The following NPSR1 variants were observed in gnomAD, a reference collection of about 807,000 sequenced individuals.
NPSR1 encodes neuropeptide S receptor 1.
NPSR1 carries 48 observed loss-of-function variants against 46.9 expected under a neutral mutation model. The ratio of observed to expected loss-of-function variants is 1.02; its 90% CI spans 0.81 to 1.30. The LOEUF is 1.30. Among genes scored for constraint, NPSR1 ranks in the 50% most tolerant of loss-of-function variants. The pLI, the probability that NPSR1 is intolerant of heterozygous loss-of-function variation, is 0.00. For missense variants in NPSR1, 450 were observed against 449.5 expected (o/e 1.00, Z -0.01); for synonymous variants, 176 against 168.1 (o/e 1.05, Z -0.36).
intron 2 of NPSR1, among the ~76,000 whole-genome samples, chr7:34,748,609 T>A (rs1460523262): frequency 2.0e-5 from 3 of 152,178 alleles, no homozygotes; most frequent in African/African-American, 4.8e-5. Flanking sequence ...AGGTTTGATG[T>A]CCCTATTAAA....
chr7:34,858,411 A>G (rs1584149794), intron 8 of NPSR1, among the ~76,000 whole-genome samples: 1 of 151,886 alleles, frequency 6.6e-6, no homozygotes, highest in Non-Finnish European at 1.5e-5. Flanking sequence ...CTTTAAAAAC[A>G]TAATATAAAG....
intron 1 of NPSR1, among the ~76,000 whole-genome samples, chr7:34,659,574 G>A (rs957323517): frequency 2.6e-5 from 4 of 152,128 alleles, no homozygotes; most frequent in African/African-American, 7.2e-5. Flanking sequence ...TTTCAGCAGG[G>A]TGCTGTCCCA....
intron 2 of NPSR1, among the ~76,000 whole-genome samples, chr7:34,698,833 C>T (rs1254122342): frequency 6.6e-6 from 1 of 152,060 alleles, no homozygotes. Context: ...TTTTCTTCTC[C>T]TAATGTGTTT....
intron 2 of NPSR1, among the ~76,000 whole-genome samples, chr7:34,705,467 G>T (rs1166443961): frequency 1.3e-5 from 2 of 149,494 alleles, no homozygotes; most frequent in East Asian, 2.0e-4. Context: ...GAAAAGAAAA[G>T]CCTTTCACAC....
chr7:34,700,462 G>A (rs1429984592), intron 2 of NPSR1, among the ~76,000 whole-genome samples: 1 of 152,146 alleles, frequency 6.6e-6, no homozygotes, highest in Non-Finnish European at 1.5e-5. Context: ...AGGGATTTAA[G>A]CCTGAAGTTT....
rs533046742 is a variant in NPSR1, at chr7:34,791,558, C to T, written c.384+12993C>T. 6.6e-5 allele frequency among the ~76,000 whole-genome samples: 10 copies of T among 151,562 alleles called. No homozygotes were observed. The South Asian group carries it at 1.9e-3, about 28-fold the overall frequency. Reference sequence around the variant, plus strand: ...TAATATATTGATGAAAGAAATTAAACTAGGCAAAAATTGGAAAGGCATCCT... The same window carrying T: ...TAATATATTGATGAAAGAAATTAAATTAGGCAAAAATTGGAAAGGCATCCT... On this transcript the variant is annotated intron_variant, in intron 3 of 8. Transcript: ENST00000360581.
At chr7:34,704,581 A>G (rs928136227) in intron 2 of NPSR1, among the ~76,000 whole-genome samples, 36 of 152,206 alleles carry the variant, frequency 2.4e-4, no homozygotes, top group African/African-American at 8.0e-4. Flanking sequence ...TTGCTGTGGA[A>G]TTAAACAAAG....
At chr7:34,827,365 C>A (rs1789904935) in intron 4 of NPSR1, 36 bp from the exon 5 acceptor site, 6 of 1,598,446 alleles carry the variant, frequency 3.8e-6, no homozygotes, top group Non-Finnish European at 5.1e-6. Flanking sequence ...AAATGGTTGC[C>A]ACATACCCAG....
Position 34,834,409 on chromosome 7 carries a change from A to G in NPSR1, c.706A>G (p.Thr236Ala). The change falls in exon 6 of 9, where the codon ACT (threonine) becomes GCT (alanine). Residue 236 changes from threonine to alanine, a missense_variant. Physicochemically the swap from Thr to Ala is moderately conservative, Grantham distance 58. Coordinates refer to ENST00000360581, the MANE Select transcript of NPSR1 (RefSeq NM_207172.2). Reference protein sequence around the residue: ...ISIMYGIVIRTIWIKSKTYET... With the variant: ...ISIMYGIVIRAIWIKSKTYET... ...CATCATGTATGGCATTGTGATCCGA[A>G]CTATTTGGATTAAAAGCAAAACCTA... 1.2e-6 allele frequency: 2 copies of G among 1,613,744 alleles called. No individual in the cohort carries two copies. Among genetic ancestry groups the G allele is most frequent in the Non-Finnish European group, 1.7e-6 (2 of 1,179,632 alleles).
intron 3 of NPSR1, among the ~76,000 whole-genome samples, chr7:34,785,843 C>G (rs748657521): frequency 6.6e-6 from 1 of 151,946 alleles, no homozygotes; most frequent in Non-Finnish European, 1.5e-5. Flanking sequence ...GATAATATGT[C>G]TAAAAAGTAT....
At chr7:34,852,068 T>A (rs1403921714), downstream of NPSR1, among the ~76,000 whole-genome samples, 1 of 151,938 alleles carries the variant, frequency 6.6e-6, no homozygotes, top group East Asian at 1.9e-4. Context: ...GAGGCTGAGG[T>A]GGGCGGATCG....
At chr7:34,822,522 A>G (rs1008772855) in intron 4 of NPSR1, among the ~76,000 whole-genome samples, 2 of 152,262 alleles carry the variant, frequency 1.3e-5, no homozygotes, top group African/African-American at 4.8e-5. Context: ...AATGAATATG[A>G]GAATAATTAG....
intron 2 of NPSR1, among the ~76,000 whole-genome samples, chr7:34,725,980 A>G (rs1171268622): frequency 6.6e-6 from 1 of 152,182 alleles, no homozygotes; most frequent in African/African-American, 2.4e-5. Flanking sequence ...GTAAGATATG[A>G]CTTTGCTCCT....
chr7:34,838,724 A>C (rs1790465231), intron 6 of NPSR1, among the ~76,000 whole-genome samples: 1 of 152,234 alleles, frequency 6.6e-6, no homozygotes, highest in South Asian at 2.1e-4. Context: ...AAGAAAAAGA[A>C]CTGTATCATA....
intron 2 of NPSR1, among the ~76,000 whole-genome samples, chr7:34,733,371 A>T (rs1469959091): frequency 6.6e-6 from 1 of 151,424 alleles, no homozygotes; most frequent in East Asian, 1.9e-4. Context: ...GTGAGCCACG[A>T]TCACGCCACT....
chr7:34,702,251 T>TC (rs1464013371), intron 2 of NPSR1, among the ~76,000 whole-genome samples: 1 of 152,220 alleles, frequency 6.6e-6, no homozygotes, highest in Non-Finnish European at 1.5e-5. Context: ...CAGCTCTTTG[T>TC]CCTCCTCTTA....
At position 34,872,847 on chromosome 7, in the gene NPSR1, G is replaced by A. The variant is rs141801903; in HGVS notation, c.1026-5229G>A. ...TGGGAATTCAAGATGAGATTTGGGT[G>A]AGGACACAGCCTAACCATATCAGCT... On this transcript the variant is annotated intron_variant, in intron 8 of 8. Coordinates refer to the NPSR1 transcript ENST00000359791. Among the ~76,000 whole-genome samples, 1,469 of 151,998 alleles carry A rather than the reference G, an allele frequency of 9.7e-3. 98 individuals carry two copies. The East Asian group carries it at 0.19, about 20-fold the overall frequency.
At chr7:34,851,402 G>A (rs922892767), downstream of NPSR1, among the ~76,000 whole-genome samples, 6 of 150,898 alleles carry the variant, frequency 4.0e-5, no homozygotes, top group South Asian at 2.1e-4. Flanking sequence ...ACCATCTCTC[G>A]GAGAATTATT....
At chr7:34,749,923 G>T (rs777686112) in intron 2 of NPSR1, among the ~76,000 whole-genome samples, 13 of 152,042 alleles carry the variant, frequency 8.6e-5, no homozygotes, top group Non-Finnish European at 1.6e-4. Flanking sequence ...GACCAAATAG[G>T]GTCGGGCTGC....
Sources: allele counts gnomAD v4.1 joint callset (sites outside exome capture counted in the v4.1 genomes callset), GRCh38; gene constraint gnomAD v4.1.1; transcripts MANE v1.5; gene names NCBI Gene and HGNC (gene_info 2026-07-23, HGNC 2026-07-21).